NDRG4: variants seen among roughly 807,000 people sequenced by gnomAD.
NDRG4 encodes the protein protein NDRG4.
In NDRG4, 38 loss-of-function variants were observed where a neutral mutation model predicts 55.8. The ratio of observed to expected loss-of-function variants is 0.68; its 90% CI spans 0.53 to 0.89. The LOEUF (loss-of-function observed/expected upper bound fraction) is 0.89. Ranked by LOEUF, NDRG4 falls within the 40% of genes least tolerant of loss-of-function variation. The pLI is 0.00. For missense variants in NDRG4, 455 were observed against 468.6 expected (o/e 0.97, Z 0.27); for synonymous variants, 190 against 182.7 (o/e 1.04, Z -0.32).
intron 1 of NDRG4, among the ~76,000 whole-genome samples, chr16:58,484,634 TC>T (rs1412595006): frequency 1.3e-5 from 2 of 152,142 alleles, no homozygotes; most frequent in Non-Finnish European, 2.9e-5. Flanking sequence ...TGCACACGCG[TC>T]TCCTGGGAGA....
At chr16:58,483,594 T>C (rs2034726010) in intron 1 of NDRG4, among the ~76,000 whole-genome samples, 1 of 152,114 alleles carries the variant, frequency 6.6e-6, no homozygotes, top group Non-Finnish European at 1.5e-5. Flanking sequence ...ATCCCTCCCC[T>C]ATGTACATCA....
In NDRG4 at chr16:58,488,917, C is replaced by T. The variant is rs907003941; in HGVS notation, c.72+1067C>T. Among the ~76,000 whole-genome samples, 7 of 152,310 alleles carry T rather than the reference C, an allele frequency of 4.6e-5. No homozygotes were observed. In the South Asian group the frequency reaches 1.5e-3, roughly 32 times the overall value. ...ATTCTAAGTTTACTTGCTCCCTGGTCTGAGCCTCCATCAGCTGCTACCCCA... is the reference window on the plus strand; with the variant it reads ...ATTCTAAGTTTACTTGCTCCCTGGTTTGAGCCTCCATCAGCTGCTACCCCA... On this transcript the variant is annotated intron_variant, in intron 2 of 15. Transcript: ENST00000258187.
At position 58,492,489 on chromosome 16, in the gene NDRG4, C is replaced by T. The variant is rs945625397; in HGVS notation, c.73-2475C>T. Among the ~76,000 whole-genome samples the T allele has an allele frequency of 1.0e-4, 13 of 124,042 alleles. No individual in the cohort carries two copies. The South Asian group carries it at 3.1e-3, about 29-fold the overall frequency. 81.4% of individuals were successfully genotyped at this position (124,042 alleles called of 152,430 possible). A position where few individuals can be genotyped will look rare whatever the true frequency, so the allele number is the denominator to read the frequency against. On this transcript the variant is annotated intron_variant, in intron 2 of 15. Coordinates refer to the NDRG4 transcript ENST00000258187. ...CACACCCTGCCATTATCTGCTCCAC[C>T]GTGTGTGTGTGTGTGTGTGTGTGTG...
At chr16:58,508,726 T>C (rs922955162) in intron 10 of NDRG4, among the ~76,000 whole-genome samples, 1 of 152,116 alleles carries the variant, frequency 6.6e-6, no homozygotes, top group Non-Finnish European at 1.5e-5. Context: ...CTCCTAGCAG[T>C]TGTGAGTGGG....
At chr16:58,493,113 A>G (rs1243355832) in intron 2 of NDRG4, among the ~76,000 whole-genome samples, 2 of 152,186 alleles carry the variant, frequency 1.3e-5, no homozygotes, top group Admixed American at 1.3e-4. Context: ...TTATTTTGGG[A>G]AAAATGGCAG....
At chr16:58,476,714 A>G (rs80246610) in intron 1 of NDRG4, among the ~76,000 whole-genome samples, 2 of 152,374 alleles carry the variant, frequency 1.3e-5, no homozygotes, top group East Asian at 1.9e-4. Context: ...TGTGTGGAAT[A>G]GCACAGCATT....
intron 1 of NDRG4, among the ~76,000 whole-genome samples, chr16:58,476,271 A>C (rs59626583): frequency 0.038 from 5,846 of 152,330 alleles, 389 homozygotes; most frequent in African/African-American, 0.13. Flanking sequence ...GATAATTAGC[A>C]GTCTCTGCTG....
At position 58,511,781 on chromosome 16, in the gene NDRG4, C is replaced by A; in HGVS notation, c.*205C>A. 1 of 685,468 alleles carries A rather than the reference C, an allele frequency of 1.5e-6. No individual in the cohort carries two copies. The highest frequency in any genetic ancestry group is 2.6e-6 in the Non-Finnish European group (1 of 392,022). 42.5% of individuals were successfully genotyped at this position (685,468 alleles called of 1,614,324 possible). A position where few individuals can be genotyped will look rare whatever the true frequency, so the allele number is the denominator to read the frequency against. ...AGTCCTCCTCATCCCATCTCACTCTCCGTGGTAACTTAGCCAACTTGACCC... is the reference window on the plus strand; with the variant it reads ...AGTCCTCCTCATCCCATCTCACTCTACGTGGTAACTTAGCCAACTTGACCC... On this transcript the variant is annotated 3_prime_UTR_variant, in exon 15 of 15. Coordinates refer to ENST00000570248, the MANE Select transcript of NDRG4 (RefSeq NM_001242835.2).
At chr16:58,509,478 G>C (rs1567356625) in intron 13 of NDRG4, 126 bp downstream of exon 13, 1 of 984,826 alleles carries the variant, frequency 1.0e-6, no homozygotes, top group Non-Finnish European at 1.5e-6. Context: ...CATAAGCATA[G>C]GAGTTTTGTG....
In NDRG4 at chr16:58,511,320, G is replaced by A. The variant is rs191210714; in HGVS notation, c.905-102G>A. 0.015 allele frequency: 20,506 copies of A among 1,361,358 alleles called. 182 individuals carry two copies. The highest frequency in any genetic ancestry group is 0.018 in the Non-Finnish European group (17,753 of 1,004,562). 84.3% of individuals were successfully genotyped at this position (1,361,358 alleles called of 1,614,324 possible). A position where few individuals can be genotyped will look rare whatever the true frequency, so the allele number is the denominator to read the frequency against. ...CTCAGGAGGAGCCCTTTGTGCCTTC[G>A]AGGAACGGTTCGCTGGCCGCTTTGC... On this transcript the variant is annotated intron_variant, in intron 14 of 14. Coordinates refer to ENST00000570248, the MANE Select transcript of NDRG4 (RefSeq NM_001242835.2).
At chr16:58,510,207 G>A (rs1376053926) in intron 13 of NDRG4, among the ~76,000 whole-genome samples, 1 of 152,212 alleles carries the variant, frequency 6.6e-6, no homozygotes, top group African/African-American at 2.4e-5. Context: ...GGGAGGCTCC[G>A]CAGGAGCACA....
chr16:58,467,535 T>C (rs899804678), intron 1 of NDRG4, among the ~76,000 whole-genome samples: 1 of 152,140 alleles, frequency 6.6e-6, no homozygotes, highest in African/African-American at 2.4e-5. Context: ...TAGTTCTGTA[T>C]ACTTTTCACA....
At chr16:58,514,932 A>G (rs921747948), downstream of NDRG4, among the ~76,000 whole-genome samples, 1 of 152,158 alleles carries the variant, frequency 6.6e-6, no homozygotes, top group African/African-American at 2.4e-5. Flanking sequence ...ATAGGTAGAT[A>G]TTGAGTCCCT....
chr16:58,471,162 C>T (rs1467721059), intron 1 of NDRG4, among the ~76,000 whole-genome samples: 1 of 139,038 alleles, frequency 7.2e-6, no homozygotes, highest in East Asian at 2.2e-4. Context: ...ACCTCCAGAA[C>T]TATAAGAGAA....
chr16:58,495,296 C>T (rs1015541495), upstream of NDRG4, among the ~76,000 whole-genome samples: 6 of 152,210 alleles, frequency 3.9e-5, no homozygotes, highest in Admixed American at 2.6e-4. Context: ...GTTTCCATGA[C>T]AGCTGTTGCC....
chr16:58,485,174 C>T (rs1477645804), intron 1 of NDRG4, among the ~76,000 whole-genome samples: 1 of 152,160 alleles, frequency 6.6e-6, no homozygotes, highest in Admixed American at 6.6e-5. Flanking sequence ...TGAGCCACCA[C>T]GCCCGGCCCA....
At chr16:58,509,447 G>A (rs2038491862) in intron 13 of NDRG4, 95 bp downstream of exon 13, 1 of 1,354,978 alleles carries the variant, frequency 7.4e-7, no homozygotes, top group African/African-American at 1.4e-5. Flanking sequence ...GGCACGTGGT[G>A]TCAGGTGGTA....
downstream of NDRG4, among the ~76,000 whole-genome samples, chr16:58,515,215 G>A (rs1013935168): frequency 6.6e-6 from 1 of 152,200 alleles, no homozygotes; most frequent in Non-Finnish European, 1.5e-5. Context: ...TTCCGATCCA[G>A]AAACCGTATT....
intron 2 of NDRG4, among the ~76,000 whole-genome samples, chr16:58,494,695 G>A (rs919669019): frequency 1.3e-5 from 2 of 152,048 alleles, no homozygotes; most frequent in Admixed American, 6.6e-5. Context: ...GGCTGGGTGC[G>A]GTGTTTCATG....
Sources: allele counts gnomAD v4.1 joint callset (sites outside exome capture counted in the v4.1 genomes callset), GRCh38; gene constraint gnomAD v4.1.1; transcripts MANE v1.5; gene names NCBI Gene and HGNC (gene_info 2026-07-23, HGNC 2026-07-21).